Variants in SENP7 observed in about 807,000 individuals in gnomAD.
SENP7 encodes SUMO specific peptidase 7, also known as sentrin-specific protease 7.
A neutral mutation model predicts 141.2 loss-of-function variants in SENP7; 64 were observed. The observed-to-expected ratio is 0.45, with a 90% CI of 0.37 to 0.56. The LOEUF (loss-of-function observed/expected upper bound fraction) is 0.56. Ranked by LOEUF, SENP7 falls within the 20% of genes least tolerant of loss-of-function variation. The probability of loss-of-function intolerance (pLI) is 0.00; values close to 1 mark genes in which losing one functional copy is unlikely to be tolerated. For synonymous variants in SENP7, 382 were observed against 426.4 expected (o/e 0.90, Z 1.28); for missense variants, 1,025 against 1,212.2 (o/e 0.85, Z 2.29).
intron 6 of SENP7, among the ~76,000 whole-genome samples, chr3:101,394,858 A>C (rs921844573): frequency 6.6e-6 from 1 of 152,156 alleles, no homozygotes; most frequent in African/African-American, 2.4e-5. Flanking sequence ...GTAAGATGAT[A>C]TCTCATTGTA....
chr3:101,502,629 A>G (rs2065434057), intron 1 of SENP7, among the ~76,000 whole-genome samples: 1 of 152,042 alleles, frequency 6.6e-6, no homozygotes, highest in South Asian at 2.1e-4. Flanking sequence ...AGAAAAAAAA[A>G]AAAGGTCAGG....
intron 6 of SENP7, among the ~76,000 whole-genome samples, chr3:101,382,896 C>G (rs62280671): frequency 0.13 from 19,528 of 152,104 alleles, 1,315 homozygotes; most frequent in South Asian, 0.18. Flanking sequence ...TGTAGTATAG[C>G]AAACTTGAAA....
intron 3 of SENP7, among the ~76,000 whole-genome samples, chr3:101,487,552 G>T (rs1273218114): frequency 6.6e-6 from 1 of 152,072 alleles, no homozygotes. Context: ...TAACAAGAAG[G>T]GTATTTCCTA....
At chr3:101,456,795 T>C (rs1336902601) in intron 4 of SENP7, among the ~76,000 whole-genome samples, 1 of 152,218 alleles carries the variant, frequency 6.6e-6, no homozygotes, top group African/African-American at 2.4e-5. Context: ...AATTTTACTT[T>C]TATTAGTTTT....
In SENP7 at chr3:101,501,136, C is replaced by T. The variant is rs753941695; in HGVS notation, c.41-17G>A. On this transcript the variant is annotated splice_polypyrimidine_tract_variant and intron_variant, in intron 1 of 23. Coordinates refer to ENST00000394095, the MANE Select transcript of SENP7 (RefSeq NM_020654.5). ...TGATGATTTCTACAAAAACCAAAGA[C>T]GTGGTAAAAATTATCGTTTAACATC... The T allele has an allele frequency of 2.0e-5, 32 of 1,584,890 alleles. 1 individual carries two copies. In the East Asian group the frequency reaches 3.4e-4, roughly 17 times the overall value.
chr3:101,445,983 A>G (rs1000234625), intron 4 of SENP7, among the ~76,000 whole-genome samples: 1 of 152,104 alleles, frequency 6.6e-6, no homozygotes, highest in African/African-American at 2.4e-5. Flanking sequence ...CTGTGTCCCC[A>G]CCCAAATCTC....
chr3:101,425,693 A>G (rs2061937249), intron 4 of SENP7, among the ~76,000 whole-genome samples: 4 of 152,238 alleles, frequency 2.6e-5, no homozygotes, highest in Admixed American at 2.6e-4. Context: ...AGAATTCAGA[A>G]TATGAGTAGG....
intron 5 of SENP7, among the ~76,000 whole-genome samples, chr3:101,400,692 C>G (rs2107586581): frequency 6.7e-6 from 1 of 148,826 alleles, no homozygotes; most frequent in South Asian, 2.2e-4. Flanking sequence ...CAGGCCTCCT[C>G]CCTATCCCCT....
chr3:101,505,863 A>C (rs1179625339), intron 1 of SENP7, among the ~76,000 whole-genome samples: 2 of 152,156 alleles, frequency 1.3e-5, no homozygotes, highest in Non-Finnish European at 2.9e-5. Flanking sequence ...AAGAAATGGT[A>C]ACTATAACAT....
At chr3:101,453,742 G>A (rs2063244866) in intron 4 of SENP7, among the ~76,000 whole-genome samples, 1 of 152,052 alleles carries the variant, frequency 6.6e-6, no homozygotes, top group South Asian at 2.1e-4. Flanking sequence ...GGGAGGAATA[G>A]CATTAGGAGA....
At chr3:101,461,955 C>G (rs1012813391) in intron 3 of SENP7, among the ~76,000 whole-genome samples, 3 of 152,078 alleles carry the variant, frequency 2.0e-5, no homozygotes, top group Admixed American at 1.3e-4. Flanking sequence ...ATATCTAGAA[C>G]AGGAAAATCC....
chr3:101,420,575 T>C lies in SENP7; in HGVS notation c.285-2785A>G, dbSNP rs1318816057. Among the ~76,000 whole-genome samples, 7 of 152,294 alleles carry C rather than the reference T, an allele frequency of 4.6e-5. No homozygotes were observed. In the East Asian group the frequency reaches 7.7e-4, roughly 17 times the overall value. ...AATTGAGTTCACAGATGATTATTAATTGCAAAGAAGAAAAGGTGTCTTTAC... is the reference window on the plus strand; with the variant it reads ...AATTGAGTTCACAGATGATTATTAACTGCAAAGAAGAAAAGGTGTCTTTAC... On this transcript the variant is annotated intron_variant, in intron 4 of 23. Transcript: ENST00000394095.
chr3:101,324,717 G>T lies in SENP7; in HGVS notation c.*1226C>A, dbSNP rs1384551012. 1 of 151,944 alleles carries T rather than the reference G, an allele frequency of 6.6e-6. No homozygotes were observed. Among genetic ancestry groups the T allele is most frequent in the Non-Finnish European group, 1.5e-5 (1 of 67,928 alleles). 9.4% of individuals were successfully genotyped at this position (151,944 alleles called of 1,614,324 possible). Reference sequence around the variant, plus strand: ...TGCCTTTGCTTCACTGCTTTATGTAGTTATAATGTAAATCTAAGAGATGCT... The same window carrying T: ...TGCCTTTGCTTCACTGCTTTATGTATTTATAATGTAAATCTAAGAGATGCT... On this transcript the variant is annotated 3_prime_UTR_variant, in exon 24 of 24. Coordinates refer to ENST00000394095, the MANE Select transcript of SENP7 (RefSeq NM_020654.5).
At chr3:101,394,411 G>A (rs1407711636) in intron 6 of SENP7, among the ~76,000 whole-genome samples, 1 of 152,138 alleles carries the variant, frequency 6.6e-6, no homozygotes, top group Non-Finnish European at 1.5e-5. Flanking sequence ...AACATGGTAG[G>A]TGCATGTATC....
intron 2 of SENP7, among the ~76,000 whole-genome samples, chr3:101,494,821 A>T (rs2065100727): frequency 6.6e-6 from 1 of 152,226 alleles, no homozygotes; most frequent in Admixed American, 6.5e-5. Flanking sequence ...CTTAAATGTA[A>T]AACACAAAAC....
chr3:101,403,156 C>T (rs550381904), intron 5 of SENP7, among the ~76,000 whole-genome samples: 4 of 152,288 alleles, frequency 2.6e-5, no homozygotes, highest in African/African-American at 9.6e-5. Context: ...CAGACCCCCG[C>T]CATAAAGTGA....
rs143327738 is a variant in SENP7, at chr3:101,348,017, G to C, written c.1692C>G (p.Thr564=). The stretch of plus-strand genomic sequence containing the variant: ...ATAACCCAAACCGCTTTAAATGTGT[G>C]GTATCCACTAGCAATGAAATCTCAT... ...SLNEISLLVD[T]THLKRFGLWK... Residue 564 remains threonine, a synonymous_variant, in exon 13 of 24, where the codon ACC becomes ACG. Coordinates refer to ENST00000394095, the MANE Select transcript of SENP7 (RefSeq NM_020654.5). The C allele has an allele frequency of 6.2e-7, 1 of 1,602,048 alleles. No individual in the cohort carries two copies. The highest frequency in any genetic ancestry group is 1.7e-5 in the Admixed American group (1 of 57,760).
chr3:101,340,279 A>T (rs1385323885), intron 15 of SENP7, 68 bp from the exon 16 acceptor site: 6 of 1,487,992 alleles, frequency 4.0e-6, no homozygotes, highest in Admixed American at 2.7e-5. Context: ...GATTTCTTAT[A>T]TGAAACAATA....
chr3:101,487,707 T>C (rs1160927651), intron 3 of SENP7, among the ~76,000 whole-genome samples: 3 of 152,236 alleles, frequency 2.0e-5, no homozygotes, highest in South Asian at 2.1e-4. Flanking sequence ...GCAGCATTTA[T>C]TGAATAGGGA....
Sources: allele counts gnomAD v4.1 joint callset (sites outside exome capture counted in the v4.1 genomes callset), GRCh38; gene constraint gnomAD v4.1.1; transcripts MANE v1.5; gene names NCBI Gene and HGNC (gene_info 2026-07-23, HGNC 2026-07-21).